The following NKAIN3 variants were observed in gnomAD, a reference collection of about 807,000 sequenced individuals.
NKAIN3 encodes sodium/potassium-transporting ATPase subunit beta-1-interacting protein 3.
A neutral mutation model predicts 30.2 loss-of-function variants in NKAIN3; 25 were observed. That is an observed-to-expected ratio of 0.83 (90% CI 0.60 to 1.16). NKAIN3 has a LOEUF of 1.16. Ranked by LOEUF, NKAIN3 falls within the 50% of genes most tolerant of loss-of-function variation. NKAIN3 has a pLI of 0.00. For synonymous variants in NKAIN3, 91 were observed against 89.6 expected, an observed-to-expected ratio of 1.02 and a Z score of -0.09; for missense variants, 225 against 254.1, an observed-to-expected ratio of 0.89 and a Z score of 0.78.
chr8:62,505,320 C>T (rs2129703714), intron 1 of NKAIN3, among the ~76,000 whole-genome samples: 2 of 152,136 alleles, frequency 1.3e-5, no homozygotes, highest in Middle Eastern at 6.8e-3. Context: ...GGCTCCTACT[C>T]AGAAAAAAAT....
At chr8:62,635,167 C>A (rs1049016894) in intron 3 of NKAIN3, among the ~76,000 whole-genome samples, 3 of 151,964 alleles carry the variant, frequency 2.0e-5, no homozygotes, top group African/African-American at 7.2e-5. Flanking sequence ...AAAAATAAAT[C>A]AAAGATCAAA....
At chr8:62,683,194 C>T (rs550817020) in intron 3 of NKAIN3, among the ~76,000 whole-genome samples, 11 of 152,070 alleles carry the variant, frequency 7.2e-5, no homozygotes, top group South Asian at 2.1e-4. Context: ...CCACCATGCC[C>T]GGCTAATTTT....
chr8:62,989,910 C>CG (rs1824285331), intron 5 of NKAIN3, among the ~76,000 whole-genome samples: 1 of 152,048 alleles, frequency 6.6e-6, no homozygotes, highest in African/African-American at 2.4e-5. Context: ...TTTTGGCAAT[C>CG]ACATTACCTT....
At chr8:62,472,982 C>T (rs1806402634) in intron 1 of NKAIN3, among the ~76,000 whole-genome samples, 1 of 152,216 alleles carries the variant, frequency 6.6e-6, no homozygotes. Flanking sequence ...CTGTCTTGTG[C>T]TTTAAAACAT....
chr8:62,744,219 G>T (rs1262831729), intron 3 of NKAIN3, among the ~76,000 whole-genome samples: 1 of 152,100 alleles, frequency 6.6e-6, no homozygotes, highest in Non-Finnish European at 1.5e-5. Flanking sequence ...ATTTGGGGGT[G>T]TCATTTTCAG....
chr8:62,772,234 A>G (rs1354316691), intron 4 of NKAIN3, among the ~76,000 whole-genome samples: 1 of 152,180 alleles, frequency 6.6e-6, no homozygotes, highest in East Asian at 1.9e-4. Context: ...GTTGCAAATG[A>G]CAGGATCTCA....
intron 1 of NKAIN3, among the ~76,000 whole-genome samples, chr8:62,314,889 C>T (rs1166663592): frequency 6.6e-6 from 1 of 152,096 alleles, no homozygotes; most frequent in South Asian, 2.1e-4. Context: ...TAATATTCTC[C>T]TGTGAAGAAA....
intron 4 of NKAIN3, among the ~76,000 whole-genome samples, chr8:62,771,044 T>C (rs1351234171): frequency 6.7e-6 from 1 of 149,304 alleles, no homozygotes; most frequent in East Asian, 1.9e-4. Context: ...TAAATAGATA[T>C]TTGTCTCTAA....
At chr8:62,458,564 T>G (rs1489499639) in intron 1 of NKAIN3, among the ~76,000 whole-genome samples, 1 of 152,214 alleles carries the variant, frequency 6.6e-6, no homozygotes. Flanking sequence ...ACAAGTCATC[T>G]TGGTTAGAAA....
At chr8:62,439,204 G>A (rs1218932963) in intron 1 of NKAIN3, among the ~76,000 whole-genome samples, 1 of 152,204 alleles carries the variant, frequency 6.6e-6, no homozygotes, top group African/African-American at 2.4e-5. Context: ...CACAACTGGT[G>A]AGAGATGAAC....
intron 2 of NKAIN3, among the ~76,000 whole-genome samples, chr8:62,587,620 A>G (rs1003825035): frequency 7.2e-5 from 11 of 151,970 alleles, no homozygotes; most frequent in Admixed American, 6.6e-5. Flanking sequence ...AAATCAAACT[A>G]TCAGGTGTCA....
intron 4 of NKAIN3, among the ~76,000 whole-genome samples, chr8:62,805,073 A>G (rs550226273): frequency 1.9e-3 from 293 of 152,322 alleles, no homozygotes; most frequent in Non-Finnish European, 3.6e-3. Flanking sequence ...AGAATAAAAT[A>G]CCTAGGAATC....
chr8:62,970,007 C>A lies in NKAIN3; in HGVS notation c.*4600C>A, dbSNP rs1441059222. ...GCCAGGAGTTCAAGACCAGCTTGGG[C>A]AAAATAGTGAGACCGTATCTCTACA... On this transcript the variant is annotated 3_prime_UTR_variant, in exon 7 of 7. Coordinates refer to ENST00000623646, the MANE Select transcript of NKAIN3 (RefSeq NM_001304533.3). 6.6e-6 allele frequency among the ~76,000 whole-genome samples: 1 copy of A among 151,960 alleles called. No individual in the cohort carries two copies. Among genetic ancestry groups the A allele is most frequent in the Admixed American group, 6.6e-5 (1 of 15,248 alleles).
intron 1 of NKAIN3, among the ~76,000 whole-genome samples, chr8:62,267,944 G>A (rs757749589): frequency 5.3e-5 from 8 of 152,156 alleles, no homozygotes; most frequent in Middle Eastern, 3.4e-3. Context: ...TGTTTTTATT[G>A]TATTTTACAA....
At chr8:62,527,915 GTGAC>G (rs1165477592) in intron 1 of NKAIN3, among the ~76,000 whole-genome samples, 385 of 149,790 alleles carry the variant, frequency 2.6e-3, no homozygotes, top group African/African-American at 8.4e-3. Flanking sequence ...GTGTGTGTGT[GTGAC>G]AGAGAGACAG....
chr8:62,589,249 C>T (rs1228222524), intron 2 of NKAIN3, among the ~76,000 whole-genome samples: 4 of 151,768 alleles, frequency 2.6e-5, no homozygotes, highest in Middle Eastern at 3.4e-3. Context: ...GTCCAACAAA[C>T]GAAAGTTTGT....
intron 4 of NKAIN3, among the ~76,000 whole-genome samples, chr8:62,814,251 C>T (rs1027927395): frequency 2.6e-5 from 4 of 151,672 alleles, no homozygotes; most frequent in African/African-American, 9.7e-5. Context: ...TCCCCACCTT[C>T]TTCTTCTGGA....
At chr8:62,343,768 G>A (rs1015208228) in intron 1 of NKAIN3, among the ~76,000 whole-genome samples, 2 of 151,762 alleles carry the variant, frequency 1.3e-5, no homozygotes, top group South Asian at 2.1e-4. Flanking sequence ...CTCTGATTGC[G>A]CCACTGCACT....
chr8:62,308,739 C>G (rs533071874), intron 1 of NKAIN3, among the ~76,000 whole-genome samples: 2 of 150,264 alleles, frequency 1.3e-5, no homozygotes, highest in Non-Finnish European at 2.9e-5. Flanking sequence ...GACAAGCCAG[C>G]TACTGTAGAA....
Sources: gnomAD v4.1 joint callset for allele counts (sites outside exome capture counted in the v4.1 genomes callset) on GRCh38, gnomAD v4.1.1 for gene constraint, MANE v1.5 for transcripts, NCBI Gene and HGNC (gene_info 2026-07-23, HGNC 2026-07-21) for gene names.